YES1: variants seen among roughly 807,000 people sequenced by gnomAD.
The protein encoded by YES1 is tyrosine-protein kinase Yes.
In YES1, 39 loss-of-function variants were observed where a neutral mutation model predicts 70.4. The observed-to-expected ratio is 0.55, with a 90% CI of 0.43 to 0.72. The LOEUF is 0.72. YES1 is among the 30% of genes least tolerant of loss of function. YES1 has a pLI of 0.00. For synonymous variants in YES1, 198 were observed against 218.6 expected, an observed-to-expected ratio of 0.91 and a Z score of 0.83; for missense variants, 495 against 644.8, an observed-to-expected ratio of 0.77 and a Z score of 2.52.
intron 11 of YES1, among the ~76,000 whole-genome samples, chr18:725,540 A>G (rs917354912): frequency 4.6e-5 from 7 of 152,212 alleles, no homozygotes; most frequent in African/African-American, 1.7e-4. Flanking sequence ...TTGAAACTCA[A>G]TACTTAAAAG....
At chr18:806,914 C>T (rs1907126577) in intron 1 of YES1, among the ~76,000 whole-genome samples, 1 of 152,174 alleles carries the variant, frequency 6.6e-6, no homozygotes, top group South Asian at 2.1e-4. Context: ...TACCAAATTC[C>T]AAAGACAAGA....
At chr18:803,348 T>C (rs969298202) in intron 1 of YES1, among the ~76,000 whole-genome samples, 3 of 152,148 alleles carry the variant, frequency 2.0e-5, no homozygotes, top group Admixed American at 1.3e-4. Flanking sequence ...GCATAGCACC[T>C]ATCATAGGAC....
chr18:761,180 G>C (rs965788750), intron 1 of YES1, among the ~76,000 whole-genome samples: 4 of 151,682 alleles, frequency 2.6e-5, no homozygotes, highest in African/African-American at 9.7e-5. Context: ...AACTGGGAGG[G>C]GGAAAGGTCT....
At chr18:789,853 A>C (rs1374427001) in intron 1 of YES1, among the ~76,000 whole-genome samples, 2 of 152,098 alleles carry the variant, frequency 1.3e-5, no homozygotes, top group African/African-American at 4.8e-5. Flanking sequence ...TGAGGTCAGA[A>C]GTTTGAGACC....
At chr18:766,220 T>C (rs1279496048) in intron 1 of YES1, among the ~76,000 whole-genome samples, 1 of 152,134 alleles carries the variant, frequency 6.6e-6, no homozygotes, top group East Asian at 1.9e-4. Flanking sequence ...CACGGTCTTA[T>C]CTCTATTGCC....
intron 1 of YES1, among the ~76,000 whole-genome samples, chr18:769,219 C>T (rs148804968): frequency 1.3e-5 from 2 of 152,286 alleles, no homozygotes; most frequent in Non-Finnish European, 2.9e-5. Context: ...AATGTCAGAA[C>T]ATATTCCTGT....
rs2079958865 is a variant in YES1, at chr18:722,084, T to C, written c.*2340A>G. The stretch of plus-strand genomic sequence containing the variant: ...CTCCATTCAGTTAAAACCTAATGAA[T>C]ACCATCAACTTTTCCTGCCTTACTT... On this transcript the variant is annotated 3_prime_UTR_variant, in exon 12 of 12. Transcript: ENST00000314574. The C allele has an allele frequency of 6.6e-6, 1 of 152,666 alleles. No individual in the cohort carries two copies. Among genetic ancestry groups the C allele is most frequent in the South Asian group, 2.1e-4 (1 of 4,830 alleles). 9.5% of individuals were successfully genotyped at this position (152,666 alleles called of 1,614,324 possible).
At chr18:805,118 T>C (rs1907035517) in intron 1 of YES1, among the ~76,000 whole-genome samples, 1 of 152,140 alleles carries the variant, frequency 6.6e-6, no homozygotes, top group African/African-American at 2.4e-5. Context: ...TCACTTAACA[T>C]ATATTCTGAG....
chr18:794,116 A>G (rs1273692170), intron 1 of YES1, among the ~76,000 whole-genome samples: 2 of 152,208 alleles, frequency 1.3e-5, no homozygotes, highest in Non-Finnish European at 2.9e-5. Context: ...AAATATGTTC[A>G]TTTTGTGGTG....
intron 9 of YES1, chr18:739,018 T>C (rs2080186517): frequency 6.6e-6 from 1 of 151,960 alleles, no homozygotes; most frequent in South Asian, 2.1e-4. Flanking sequence ...AGAGACAGAG[T>C]TTCACCATGT....
intron 1 of YES1, among the ~76,000 whole-genome samples, chr18:798,547 T>C (rs970708856): frequency 3.3e-5 from 5 of 152,192 alleles, no homozygotes; most frequent in African/African-American, 1.2e-4. Flanking sequence ...AGAAGATGCA[T>C]AGGGGAGCCG....
At chr18:784,556 C>A (rs1042410849) in intron 1 of YES1, among the ~76,000 whole-genome samples, 2 of 152,126 alleles carry the variant, frequency 1.3e-5, no homozygotes, top group African/African-American at 4.8e-5. Context: ...CGCCGGTGTC[C>A]CTGGACTAAA....
intron 3 of YES1, among the ~76,000 whole-genome samples, chr18:749,668 A>G (rs1294532210): frequency 6.6e-6 from 1 of 152,052 alleles, no homozygotes; most frequent in African/African-American, 2.4e-5. Flanking sequence ...ATCCTGGCTA[A>G]CACGGTGAAA....
chr18:802,365 C>G (rs1424232472), intron 1 of YES1, among the ~76,000 whole-genome samples: 3 of 152,012 alleles, frequency 2.0e-5, no homozygotes, highest in Non-Finnish European at 4.4e-5. Context: ...GTCGGGAGTT[C>G]CAGACCAGCC....
At chr18:728,807 A>G (rs1187740430) in intron 11 of YES1, among the ~76,000 whole-genome samples, 1 of 152,220 alleles carries the variant, frequency 6.6e-6, no homozygotes, top group East Asian at 1.9e-4. Context: ...TACAGGCCTG[A>G]GCCACTGCGC....
chr18:743,466 G>C, intron 6 of YES1, 51 bp from the exon 7 acceptor site: 1 of 1,435,812 alleles, frequency 7.0e-7, no homozygotes, highest in Non-Finnish European at 9.5e-7. Flanking sequence ...AAATTAAGGG[G>C]CATATAGTGT....
chr18:769,201 G>A (rs1905047819), intron 1 of YES1, among the ~76,000 whole-genome samples: 1 of 152,196 alleles, frequency 6.6e-6, no homozygotes, highest in African/African-American at 2.4e-5. Context: ...GAAATCGCCT[G>A]ATGACACAAT....
chr18:804,425 T>C (rs890790173), intron 1 of YES1, among the ~76,000 whole-genome samples: 2 of 151,600 alleles, frequency 1.3e-5, no homozygotes, highest in African/African-American at 4.9e-5. Flanking sequence ...CTGGCCAACA[T>C]GGTGAAACCC....
chr18:766,511 T>C (rs555299211), intron 1 of YES1, among the ~76,000 whole-genome samples: 2 of 151,220 alleles, frequency 1.3e-5, no homozygotes, highest in African/African-American at 4.8e-5. Flanking sequence ...CCAACTCTAA[T>C]AGGAAGCAAC....
Sources: gnomAD v4.1 joint callset for allele counts (sites outside exome capture counted in the v4.1 genomes callset) on GRCh38, gnomAD v4.1.1 for gene constraint, MANE v1.5 for transcripts, NCBI Gene and HGNC (gene_info 2026-07-23, HGNC 2026-07-21) for gene names.